The following DAB1 variants were observed in gnomAD, a reference collection of about 807,000 sequenced individuals.
The protein encoded by DAB1 is DAB adaptor protein 1, also known as disabled homolog 1.
DAB1 carries 15 observed loss-of-function variants against 64.6 expected under a neutral mutation model. The observed-to-expected ratio is 0.23, with a 90% CI of 0.16 to 0.36. The LOEUF (loss-of-function observed/expected upper bound fraction) is 0.36, where lower values mean the gene tolerates loss of function less well. DAB1 is among the 10% of genes least tolerant of loss of function. The probability of loss-of-function intolerance (pLI) is 1.00; values close to 1 mark genes in which losing one functional copy is unlikely to be tolerated. For synonymous variants in DAB1, 235 were observed against 251.9 expected, an observed-to-expected ratio of 0.93 and a Z score of 0.64; for missense variants, 596 against 706.7, an observed-to-expected ratio of 0.84 and a Z score of 1.78.
chr1:58,376,439 C>T (rs1644327362), intron 3 of DAB1, among the ~76,000 whole-genome samples: 1 of 136,074 alleles, frequency 7.3e-6, no homozygotes, highest in African/African-American at 2.8e-5. Flanking sequence ...CTTATGTACC[C>T]AGTAGTCATT....
chr1:57,668,557 G>T (rs1311226703), intron 6 of DAB1, among the ~76,000 whole-genome samples: 2 of 152,100 alleles, frequency 1.3e-5, no homozygotes, highest in Non-Finnish European at 2.9e-5. Context: ...TTAAGTGGGG[G>T]AGTGAGCAGG....
chr1:58,240,303 T>C (rs1434593728), intron 4 of DAB1, among the ~76,000 whole-genome samples: 1 of 152,238 alleles, frequency 6.6e-6, no homozygotes, highest in African/African-American at 2.4e-5. Flanking sequence ...CTTCTGATCA[T>C]ATCCTTAAAA....
At chr1:58,229,763 T>C (rs1292048820) in intron 4 of DAB1, among the ~76,000 whole-genome samples, 1 of 152,184 alleles carries the variant, frequency 6.6e-6, no homozygotes, top group South Asian at 2.1e-4. Flanking sequence ...ATGTGAAAGC[T>C]GAGCCTCCTG....
chr1:57,217,969 A>G (rs1030300281), intron 2 of DAB1, among the ~76,000 whole-genome samples: 1 of 152,182 alleles, frequency 6.6e-6, no homozygotes, highest in South Asian at 2.1e-4. Context: ...GTCCCAAGGA[A>G]AAAAACACAA....
intron 2 of DAB1, among the ~76,000 whole-genome samples, chr1:57,152,333 T>C (rs1388595222): frequency 2.0e-5 from 3 of 152,212 alleles, no homozygotes; most frequent in Non-Finnish European, 4.4e-5. Context: ...CTTCACTTGG[T>C]TCCATAAACA....
At chr1:58,142,765 C>T (rs1394131445) in intron 5 of DAB1, among the ~76,000 whole-genome samples, 2 of 152,240 alleles carry the variant, frequency 1.3e-5, no homozygotes, top group African/African-American at 4.8e-5. Flanking sequence ...ATGCCCCTAC[C>T]TCTCTCCATC....
chr1:57,606,118 T>C, intron 7 of DAB1: 1 of 436,260 alleles, frequency 2.3e-6, no homozygotes. Context: ...CTCCTGGGAT[T>C]TTACACTGCA....
chr1:57,466,771 G>C (rs1381008671), intron 7 of DAB1, among the ~76,000 whole-genome samples: 1 of 152,136 alleles, frequency 6.6e-6, no homozygotes, highest in African/African-American at 2.4e-5. Flanking sequence ...GTGAGGTCCT[G>C]TTTCCTTGCT....
chr1:57,437,265 C>G (rs1685731980), intron 7 of DAB1, among the ~76,000 whole-genome samples: 1 of 152,098 alleles, frequency 6.6e-6, no homozygotes, highest in Non-Finnish European at 1.5e-5. Flanking sequence ...CTCTTCCCTT[C>G]TGTCCCAAAG....
chr1:58,289,283 A>G (rs1025774639), intron 4 of DAB1, among the ~76,000 whole-genome samples: 1 of 152,178 alleles, frequency 6.6e-6, no homozygotes, highest in African/African-American at 2.4e-5. Context: ...CATCTCTAAT[A>G]AAGATAATAT....
chr1:57,213,674 C>G (rs2100344086), intron 2 of DAB1, among the ~76,000 whole-genome samples: 2 of 152,342 alleles, frequency 1.3e-5, no homozygotes, highest in East Asian at 3.9e-4. Flanking sequence ...AACTGCACAA[C>G]AAAGTTTGGG....
chr1:57,695,638 A>G (rs1646835393), intron 6 of DAB1, among the ~76,000 whole-genome samples: 1 of 152,128 alleles, frequency 6.6e-6, no homozygotes, highest in African/African-American at 2.4e-5. Context: ...GGTGGCTCAC[A>G]CCTGTAATCC....
At chr1:57,821,276 A>ACACT (rs1391808520), downstream of DAB1, among the ~76,000 whole-genome samples, 1 of 152,174 alleles carries the variant, frequency 6.6e-6, no homozygotes, top group Non-Finnish European at 1.5e-5. Context: ...GCCAGAAGGT[A>ACACT]CACTCAATAA....
chr1:57,841,365 G>A (rs1041040665), intron 1 of DAB1, among the ~76,000 whole-genome samples: 1 of 152,162 alleles, frequency 6.6e-6, no homozygotes, highest in Non-Finnish European at 1.5e-5. Flanking sequence ...ACCAGTCTGG[G>A]GTCTGGAGGA....
chr1:57,643,759 A>G (rs2101645905), intron 7 of DAB1, among the ~76,000 whole-genome samples: 1 of 152,312 alleles, frequency 6.6e-6, no homozygotes, highest in East Asian at 1.9e-4. Context: ...TCTCAAGCTC[A>G]ACACTTGGTC....
intron 5 of DAB1, among the ~76,000 whole-genome samples, chr1:58,112,009 T>C (rs1325339708): frequency 1.3e-5 from 2 of 152,200 alleles, no homozygotes; most frequent in African/African-American, 2.4e-5. Flanking sequence ...CGTCTAACTC[T>C]GTCATGTCAC....
chr1:57,715,963 T>G (rs990731327), intron 6 of DAB1, among the ~76,000 whole-genome samples: 4 of 152,242 alleles, frequency 2.6e-5, no homozygotes, highest in African/African-American at 7.2e-5. Flanking sequence ...CAGGCTAGAA[T>G]GCAATGGCAT....
intron 1 of DAB1, among the ~76,000 whole-genome samples, chr1:57,869,231 C>T (rs1225239578): frequency 6.6e-6 from 1 of 151,984 alleles, no homozygotes; most frequent in Non-Finnish European, 1.5e-5. Flanking sequence ...CAATTACCTG[C>T]AGGGATTAAA....
rs984346242 is a variant in DAB1 at position 58,463,667 on chromosome 1, G to A, written n.257+42393C>T. Reference sequence around the variant, plus strand: ...TGGGCACATCCTGCATGCATAAATGGGTTTGCATGTGGATGCTGCTTCTGC... The same window carrying A: ...TGGGCACATCCTGCATGCATAAATGAGTTTGCATGTGGATGCTGCTTCTGC... On this transcript the variant is annotated intron_variant and non_coding_transcript_variant, in intron 3 of 20. Transcript: ENST00000485760. Among the ~76,000 whole-genome samples the A allele has an allele frequency of 7.2e-5, 11 of 152,306 alleles. No individual in the cohort carries two copies. In the East Asian group the frequency reaches 1.5e-3, roughly 21 times the overall value.
Sources: gnomAD v4.1 joint callset for allele counts (sites outside exome capture counted in the v4.1 genomes callset) on GRCh38, gnomAD v4.1.1 for gene constraint, MANE v1.5 for transcripts, NCBI Gene and HGNC (gene_info 2026-07-23, HGNC 2026-07-21) for gene names.